TAF6: variants seen among roughly 807,000 people sequenced by gnomAD.
The protein encoded by TAF6 is TATA-box binding protein associated factor 6.
In TAF6, 50 loss-of-function variants were observed where a neutral mutation model predicts 73.5. The ratio of observed to expected loss-of-function variants is 0.68; its 90% CI spans 0.54 to 0.86. The LOEUF is 0.86. TAF6 is among the 40% of genes least tolerant of loss of function. The pLI is 0.00. For synonymous variants in TAF6, 424 were observed against 376.7 expected, an observed-to-expected ratio of 1.13 and a Z score of -1.45; for missense variants, 768 against 899.5, an observed-to-expected ratio of 0.85 and a Z score of 1.87.
rs138114559 is a variant in TAF6, at chr7:100,107,511, G to T, written c.1769C>A (p.Thr590Asn). Residue 590 changes from threonine (T) to asparagine (N), a missense_variant, in exon 15 of 15, where the codon ACC becomes AAC. This residue lies in a region of TAF6 where 350 missense variants were observed against 352.3 expected (regional missense o/e 0.99). Coordinates refer to ENST00000453269, the MANE Select transcript of TAF6 (RefSeq NM_139315.3). ...PIVKLVSTAT[T>N]APPSTAPSGP... Reference sequence around the variant, plus strand: ...AGAGGGAGCAGTGCTGGGGGGTGCGGTGGTGGCGGTGGAGACCAACTTGAC... The same window carrying T: ...AGAGGGAGCAGTGCTGGGGGGTGCGTTGGTGGCGGTGGAGACCAACTTGAC... 4.8e-4 allele frequency: 769 copies of T among 1,614,048 alleles called. 1 individual carries two copies. Among genetic ancestry groups the T allele is most frequent in the Non-Finnish European group, 6.3e-4 (744 of 1,180,010 alleles).
chr7:100,108,154 C>T (rs1178753227), intron 13 of TAF6, 31 bp from the exon 14 acceptor site: 4 of 1,566,252 alleles, frequency 2.6e-6, no homozygotes, highest in Non-Finnish European at 3.4e-6. Flanking sequence ...GGGGAAGTGG[C>T]ACCATCTACT....
upstream of TAF6, chr7:100,121,110 A>ATTT (rs1798036782): frequency 1.2e-3 from 33 of 28,390 alleles, 1 homozygote; most frequent in Non-Finnish European, 1.5e-3. Flanking sequence ...ATATATATAT[A>ATTT]TATATATTTT....
Position 100,113,389 on chromosome 7 carries a change from G to T in TAF6, c.414C>A (p.Ile138=). 6.3e-7 allele frequency: 1 copy of T among 1,594,598 alleles called. No homozygotes were observed. Among genetic ancestry groups the T allele is most frequent in the East Asian group, 2.2e-5 (1 of 44,570 alleles). ...DVCLKAHWLS[I]EGCQPAIPEN... is the part of the protein sequence containing the mutation. ...CGGGGATAGCTGGCTGGCAGCCCTCGATGCTCAGCCAATGAGCTGCAAGGA... is the reference window on the plus strand; with the variant it reads ...CGGGGATAGCTGGCTGGCAGCCCTCTATGCTCAGCCAATGAGCTGCAAGGA... Residue 138 remains isoleucine, a synonymous_variant, in exon 5 of 15, where the codon ATC becomes ATA. Transcript: ENST00000453269.
At chr7:100,119,924 A>C (rs1797980097), upstream of TAF6, 5 of 1,472,408 alleles carry the variant, frequency 3.4e-6, no homozygotes, top group Non-Finnish European at 4.6e-6. Context: ...TCTAGGCCGG[A>C]CATCCTAGCC....
At position 100,112,853 on chromosome 7, in the gene TAF6, C is replaced by A. The variant is rs766092925; in HGVS notation, c.519G>T (p.Glu173Asp). ...EPLKSAKPGQ[E>D]EDGPLKGKGQ... ...CTTTGCCCTTCAGGGGTCCGTCTTC[C>A]TCCTGGCCTGGCTTGGCTGACTTCA... The change falls in exon 6 of 15, where the codon GAG (glutamate) becomes GAT (aspartate). Residue 173 changes from glutamate to aspartate, a missense_variant. By Grantham distance (45) the Glu-to-Asp change is conservative (BLOSUM62 2). Around this residue, in one of 5 missense-constraint regions of TAF6, gnomAD observed 269 missense variants for 268.0 expected, o/e 1.00. Transcript: ENST00000453269. The A allele has an allele frequency of 6.2e-7, 1 of 1,614,032 alleles. No homozygotes were observed. Among genetic ancestry groups the A allele is most frequent in the South Asian group, 1.1e-5 (1 of 91,084 alleles).
upstream of TAF6, among the ~76,000 whole-genome samples, chr7:100,121,692 A>G (rs556112953): frequency 2.0e-5 from 3 of 151,888 alleles, no homozygotes; most frequent in East Asian, 3.9e-4. Flanking sequence ...TGCCCGCCTC[A>G]GCCTCCCAAA....
upstream of TAF6, chr7:100,121,018 T>G (rs1798023420): frequency 1.4e-5 from 2 of 146,646 alleles, no homozygotes; most frequent in Middle Eastern, 3.5e-3. Flanking sequence ...CCAGCCTTTA[T>G]ATATGTTGAT....
upstream of TAF6, chr7:100,119,632 A>G: frequency 6.3e-7 from 1 of 1,598,062 alleles, no homozygotes; most frequent in South Asian, 1.1e-5. Flanking sequence ...GCATGCGCCG[A>G]CCTTCCTCGG....
chr7:100,112,047 A>G, intron 7 of TAF6, 48 bp from the exon 8 acceptor site: 1 of 1,613,808 alleles, frequency 6.2e-7, no homozygotes, highest in South Asian at 1.1e-5. Flanking sequence ...TGTGGGGAGC[A>G]ATTCATAGGG....
At chr7:100,126,016 CT>C in the TAF6 span, among the ~76,000 whole-genome samples, 5 of 152,206 alleles carry the variant, frequency 3.3e-5, no homozygotes, top group Non-Finnish European at 7.3e-5. Context: ...GAAAGCCCGT[CT>C]CTACTAAAAA....
At chr7:100,108,663 T>A (rs1476079587) in intron 12 of TAF6, 123 bp from the exon 13 acceptor site, 14 of 1,123,950 alleles carry the variant, frequency 1.2e-5, no homozygotes, top group African/African-American at 3.1e-5. Flanking sequence ...TTCCTTATCA[T>A]CTCAGTGCCC....
At chr7:100,108,568 A>G in intron 12 of TAF6, 28 bp from the exon 13 acceptor site, 1 of 1,572,082 alleles carries the variant, frequency 6.4e-7, no homozygotes, top group South Asian at 1.1e-5. Context: ...AGCCAGGTAG[A>G]GGGAGGGCTG....
At chr7:100,109,691 G>A (rs564901548) in intron 12 of TAF6, among the ~76,000 whole-genome samples, 86 of 151,230 alleles carry the variant, frequency 5.7e-4, no homozygotes, top group Middle Eastern at 3.4e-3. Flanking sequence ...GTGGGATCTC[G>A]CTACGTTGTC....
At chr7:100,126,320 C>T in the TAF6 span, among the ~76,000 whole-genome samples, 2 of 151,870 alleles carry the variant, frequency 1.3e-5, no homozygotes, top group African/African-American at 4.8e-5. Flanking sequence ...CTAGCCTGGG[C>T]GACAGAACAA....
intron 1 of TAF6, 90 bp downstream of exon 1, chr7:100,119,114 G>A (rs752097106): frequency 3.4e-5 from 34 of 986,166 alleles, no homozygotes; most frequent in Non-Finnish European, 4.1e-5. Flanking sequence ...AGCGCGAAAG[G>A]AGGTTCAGAG....
upstream of TAF6, among the ~76,000 whole-genome samples, chr7:100,121,885 C>T (rs1798083535): frequency 8.4e-6 from 1 of 119,422 alleles, no homozygotes; most frequent in South Asian, 2.6e-4. Context: ...CCTGTCTCTA[C>T]TAAAAATACA....
chr7:100,127,164 C>A, the TAF6 span: 4 of 538,948 alleles, frequency 7.4e-6, no homozygotes. The surrounding 1 kb of genome is among the most constrained non-coding windows in gnomAD (Gnocchi z 4.6). Context: ...GGGGCGGGGG[C>A]CGAGGACGCC....
At chr7:100,123,688 T>A (rs1248763726), upstream of TAF6, among the ~76,000 whole-genome samples, 2 of 151,946 alleles carry the variant, frequency 1.3e-5, no homozygotes, top group Non-Finnish European at 2.9e-5. Context: ...GCCCAGCTAA[T>A]TTTTTGTAAT....
At position 100,111,752 on chromosome 7, in the gene TAF6, G is replaced by A. The variant is rs1313758996; in HGVS notation, c.876C>T (p.Asn292=). Reference sequence around the variant, plus strand: ...CGTATTTTTCTAGATAGAGCGTGGGGTTGTCCATCAGCGCTTTCACCATAC... The same window carrying A: ...CGTATTTTTCTAGATAGAGCGTGGGATTGTCCATCAGCGCTTTCACCATAC... ...LMRMVKALMD[N]PTLYLEKYVH... Residue 292 remains asparagine (N), a synonymous_variant, in exon 9 of 15, where the codon AAC becomes AAT. Coordinates refer to ENST00000453269, the MANE Select transcript of TAF6 (RefSeq NM_139315.3). The A allele has an allele frequency of 1.2e-6, 2 of 1,614,202 alleles. No individual in the cohort carries two copies. Among genetic ancestry groups the A allele is most frequent in the South Asian group, 1.1e-5 (1 of 91,092 alleles).
Sources: allele counts gnomAD v4.1 joint callset (sites outside exome capture counted in the v4.1 genomes callset), GRCh38; gene constraint gnomAD v4.1.1; regional missense constraint gnomAD v4.1.1; non-coding constraint Gnocchi (gnomAD v3.1); transcripts MANE v1.5; gene names NCBI Gene and HGNC (gene_info 2026-07-23, HGNC 2026-07-21).